Variants in SLC2A9 observed in about 807,000 individuals in gnomAD.
SLC2A9 encodes solute carrier family 2, facilitated glucose transporter member 9.
In SLC2A9, 39 loss-of-function variants were observed where a neutral mutation model predicts 50.6. The observed-to-expected ratio is 0.77, with a 90% CI of 0.60 to 1.01. The LOEUF (loss-of-function observed/expected upper bound fraction) is 1.01, where lower values mean the gene tolerates loss of function less well. SLC2A9 is among the 50% of genes least tolerant of loss of function. The pLI is 0.00. For missense variants in SLC2A9, 686 were observed against 677.6 expected (o/e 1.01, Z -0.14); for synonymous variants, 324 against 276.9 (o/e 1.17, Z -1.69).
At position 9,844,148 on chromosome 4, in the gene SLC2A9, G is replaced by A. The variant is rs1381506738; in HGVS notation, c.1292-9140C>T. On this transcript the variant is annotated intron_variant, in intron 10 of 11. Transcript: ENST00000264784. ...AAACTTGGTGGAAGAGCCAGATTTAGTAAAAAAAAAATAATAATAAAAAAA... is the reference window on the plus strand; with the variant it reads ...AAACTTGGTGGAAGAGCCAGATTTAATAAAAAAAAAATAATAATAAAAAAA... Among the ~76,000 whole-genome samples the A allele has an allele frequency of 3.3e-4, 9 of 26,948 alleles. No individual in the cohort carries two copies. The South Asian group carries it at 5.6e-3, about 17-fold the overall frequency. 17.7% of individuals were successfully genotyped at this position (26,948 alleles called of 152,430 possible). A position where few individuals can be genotyped will look rare whatever the true frequency, so the allele number is the denominator to read the frequency against.
intron 5 of SLC2A9, 58 bp from the exon 6 acceptor site, chr4:9,942,103 T>G (rs779880663): frequency 1.7e-5 from 28 of 1,608,996 alleles, no homozygotes; most frequent in Non-Finnish European, 2.2e-5. Context: ...TTGAGGGGAC[T>G]GGGCCACTGG....
intron 9 of SLC2A9, among the ~76,000 whole-genome samples, chr4:9,890,113 G>A (rs545609734): frequency 4.6e-5 from 7 of 152,264 alleles, no homozygotes; most frequent in East Asian, 1.9e-4. Flanking sequence ...GATGAGGCCC[G>A]GAGAGGAGCT....
At chr4:9,842,096 A>G (rs1418852685) in intron 10 of SLC2A9, among the ~76,000 whole-genome samples, 1 of 151,830 alleles carries the variant, frequency 6.6e-6, no homozygotes, top group African/African-American at 2.4e-5. Flanking sequence ...ATTTTTTTTC[A>G]ATCTGTGTAA....
intron 3 of SLC2A9, among the ~76,000 whole-genome samples, chr4:9,812,495 G>GT (rs34929839): frequency 0.15 from 22,320 of 145,596 alleles, 1,692 homozygotes; most frequent in African/African-American, 0.19. Context: ...GCATAAACAT[G>GT]TTTTTTTTTT....
chr4:9,865,671 C>T (rs1053554628), intron 10 of SLC2A9, among the ~76,000 whole-genome samples: 1 of 152,190 alleles, frequency 6.6e-6, no homozygotes, highest in East Asian at 1.9e-4. Context: ...TTTCCAAAGA[C>T]ATCACACATG....
chr4:10,019,402 G>A (rs905591178), intron 1 of SLC2A9: 6 of 416,550 alleles, frequency 1.4e-5, no homozygotes, highest in Non-Finnish European at 2.2e-5. Context: ...GCGAGTGTCC[G>A]ACCCAGACAG....
At chr4:9,778,465 C>G (rs986088450), downstream of SLC2A9, among the ~76,000 whole-genome samples, 7 of 152,172 alleles carry the variant, frequency 4.6e-5, no homozygotes, top group Admixed American at 3.9e-4. Context: ...AGGGATTGTT[C>G]TCTAGAATTC....
At chr4:9,818,761 C>T (rs1034242582) in intron 3 of SLC2A9, among the ~76,000 whole-genome samples, 1 of 152,190 alleles carries the variant, frequency 6.6e-6, no homozygotes, top group Non-Finnish European at 1.5e-5. Flanking sequence ...TTGACACAGT[C>T]TCTGTTCCTC....
upstream of SLC2A9, chr4:10,026,039 C>G: frequency 6.6e-7 from 1 of 1,506,514 alleles, no homozygotes; most frequent in African/African-American, 1.4e-5. Flanking sequence ...AGCCATTAGA[C>G]AGCTGCTTTC....
In SLC2A9 at chr4:10,019,066, G is replaced by T. The variant is rs1247947058; in HGVS notation, c.158C>A (p.Ser53Tyr). The T allele has an allele frequency of 4.5e-6, 7 of 1,551,238 alleles. No homozygotes were observed. In the South Asian group the frequency reaches 7.1e-5, roughly 16 times the overall value. ...VPGGRRRKDW[S>Y]CSLLVASLAG... ...GAGGGAGGCCACGAGGAGCGAGCAG[G>T]ACCAGTCCTGAGGGGAGAGGAAACC... is the stretch of plus-strand genomic sequence containing the variant. The change falls in exon 2 of 12, where the codon TCC becomes TAC. Residue 53 changes from serine (S) to tyrosine (Y), a missense_variant. Physicochemically the swap from Ser to Tyr is moderately radical, Grantham distance 144. Transcript: ENST00000264784.
chr4:9,829,427 C>T (rs1288184381), intron 11 of SLC2A9, among the ~76,000 whole-genome samples: 1 of 146,504 alleles, frequency 6.8e-6, no homozygotes, highest in East Asian at 2.0e-4. Context: ...TAGGCAATAC[C>T]ATTCGGGACA....
chr4:9,972,146 G>C (rs1354533473), intron 5 of SLC2A9, among the ~76,000 whole-genome samples: 3 of 152,064 alleles, frequency 2.0e-5, no homozygotes, highest in African/African-American at 7.2e-5. Context: ...TTGTTATTTA[G>C]ATTGAAAAAA....
chr4:9,848,755 A>G (rs1294475910), intron 10 of SLC2A9, among the ~76,000 whole-genome samples: 1 of 142,956 alleles, frequency 7.0e-6, no homozygotes, highest in Non-Finnish European at 1.5e-5. Flanking sequence ...GCTGGAGTGG[A>G]GTGCAGTGGC....
At chr4:9,976,922 T>G (rs763353735) in intron 5 of SLC2A9, among the ~76,000 whole-genome samples, 1 of 152,228 alleles carries the variant, frequency 6.6e-6, no homozygotes, top group Non-Finnish European at 1.5e-5. Flanking sequence ...TCTTAGCATC[T>G]GGTACCACCA....
chr4:9,888,025 C>A (rs947078606), intron 9 of SLC2A9, among the ~76,000 whole-genome samples: 2 of 151,370 alleles, frequency 1.3e-5, no homozygotes, highest in African/African-American at 4.9e-5. Flanking sequence ...GAACCGAAAA[C>A]CAAACCCCAC....
At chr4:9,849,385 A>T (rs1419897148) in intron 10 of SLC2A9, among the ~76,000 whole-genome samples, 1 of 152,212 alleles carries the variant, frequency 6.6e-6, no homozygotes, top group Admixed American at 6.5e-5. Context: ...CATTGTTAAC[A>T]ACCATACATG....
intron 10 of SLC2A9, among the ~76,000 whole-genome samples, chr4:9,845,423 A>ATTT (rs1183351674): frequency 7.6e-6 from 1 of 130,800 alleles, no homozygotes; most frequent in African/African-American, 3.2e-5. Flanking sequence ...ACGATCATCA[A>ATTT]TTTCTTTTTT....
At chr4:9,838,966 C>T (rs1298771537) in intron 10 of SLC2A9, among the ~76,000 whole-genome samples, 1 of 152,118 alleles carries the variant, frequency 6.6e-6, no homozygotes, top group Non-Finnish European at 1.5e-5. Context: ...GACGAGAACA[C>T]CAAAAGCAAT....
At chr4:9,903,627 C>G (rs947422647) in intron 8 of SLC2A9, among the ~76,000 whole-genome samples, 5 of 152,034 alleles carry the variant, frequency 3.3e-5, no homozygotes, top group Non-Finnish European at 5.9e-5. Context: ...ACTTTATTAG[C>G]CTCCTGAGCC....
Sources: allele counts gnomAD v4.1 joint callset (sites outside exome capture counted in the v4.1 genomes callset), GRCh38; gene constraint gnomAD v4.1.1; transcripts MANE v1.5; gene names NCBI Gene and HGNC (gene_info 2026-07-23, HGNC 2026-07-21).